METTL22: variants seen among roughly 807,000 people sequenced by gnomAD.
METTL22 encodes the protein methyltransferase 22, Kin17 lysine, also known as methyltransferase-like protein 22.
Under a neutral mutation model 48.4 loss-of-function variants are expected in METTL22, and 51 were observed. The observed-to-expected ratio is 1.05, with a 90% CI of 0.84 to 1.33. METTL22 has a LOEUF of 1.33. METTL22 is among the 40% of genes most tolerant of loss of function. The pLI is 0.00. For synonymous variants in METTL22, 255 were observed against 214.1 expected (o/e 1.19, Z -1.67); for missense variants, 678 against 526.9 (o/e 1.29, Z -2.81).
At chr16:8,621,957 C>G (rs979855698) in intron 1 of METTL22, among the ~76,000 whole-genome samples, 182 bp downstream of exon 1, 3 of 152,224 alleles carry the variant, frequency 2.0e-5, no homozygotes, top group Non-Finnish European at 4.4e-5. Flanking sequence ...CACGTCCTCA[C>G]CTGGGTTTCC....
At chr16:8,653,037 G>C (rs2056921317), downstream of METTL22, among the ~76,000 whole-genome samples, 1 of 152,190 alleles carries the variant, frequency 6.6e-6, no homozygotes, top group South Asian at 2.1e-4. Context: ...CACTTCTGCT[G>C]CTCAACCAAT....
chr16:8,657,731 C>G, the METTL22 span, among the ~76,000 whole-genome samples: 145,817 of 152,124 alleles, frequency 0.96, 70,059 homozygotes, highest in East Asian at 1. Context: ...CTTTGCAGAT[C>G]TAATTAAGTT....
At chr16:8,634,987 T>C in intron 3 of METTL22, 52 bp from the exon 4 acceptor site, 5 of 1,611,652 alleles carry the variant, frequency 3.1e-6, no homozygotes, top group Non-Finnish European at 3.4e-6. Context: ...TGTGGTTTTC[T>C]GTCCATCCCC....
downstream of METTL22, among the ~76,000 whole-genome samples, chr16:8,652,160 G>A (rs1392718921): frequency 2.0e-5 from 3 of 152,138 alleles, no homozygotes; most frequent in African/African-American, 7.2e-5. Flanking sequence ...ATAGAGTCCA[G>A]ATAAAAGTGA....
chr16:8,648,791 AAAG>A lies in METTL22; in HGVS notation c.*2654_*2656del, dbSNP rs2056848132. 1 of 152,154 alleles carries A rather than the reference AAAG, an allele frequency of 6.6e-6. No homozygotes were observed. Among genetic ancestry groups the A allele is most frequent in the East Asian group, 1.9e-4 (1 of 5,172 alleles). 9.4% of individuals were successfully genotyped at this position (152,154 alleles called of 1,614,324 possible). On this transcript the variant is annotated 3_prime_UTR_variant, in exon 11 of 11. Transcript: ENST00000381920. ...AACAGAGAGAGATCCTGTCTCCAAAAAAGAAGAAAAGTATCAAGCCTCAGCTCA... is the reference window on the plus strand; with the variant it reads ...AACAGAGAGAGATCCTGTCTCCAAAAAAGAAAAGTATCAAGCCTCAGCTCA...
the METTL22 span, among the ~76,000 whole-genome samples, chr16:8,658,449 C>A: frequency 6.6e-6 from 1 of 152,306 alleles, no homozygotes; most frequent in East Asian, 1.9e-4. Flanking sequence ...AGAAACACTA[C>A]AAGCCACTGC....
chr16:8,642,106 T>C, intron 7 of METTL22, 21 bp from the exon 8 acceptor site: 3 of 1,587,482 alleles, frequency 1.9e-6, no homozygotes, highest in South Asian at 1.1e-5. Flanking sequence ...GGGCACAAAG[T>C]GTGCTTTTGT....
At chr16:8,653,283 C>G (rs189957407), downstream of METTL22, among the ~76,000 whole-genome samples, 3 of 152,142 alleles carry the variant, frequency 2.0e-5, no homozygotes, top group African/African-American at 7.2e-5. Flanking sequence ...CAAGGGACAA[C>G]GCTAAGTTTT....
At chr16:8,637,452 C>G (rs1027775353) in intron 5 of METTL22, among the ~76,000 whole-genome samples, 3 of 152,224 alleles carry the variant, frequency 2.0e-5, no homozygotes, top group Non-Finnish European at 1.5e-5. Flanking sequence ...GGGAAGAAAG[C>G]TTGCATTTAG....
chr16:8,655,162 C>G, the METTL22 span, among the ~76,000 whole-genome samples: 1 of 152,206 alleles, frequency 6.6e-6, no homozygotes, highest in South Asian at 2.1e-4. Context: ...CATTTATTAT[C>G]TTACAGTACC....
chr16:8,645,906 A>G lies in METTL22; in HGVS notation c.1180-202A>G, dbSNP rs959747381. Reference sequence around the variant, plus strand: ...GTTAATGCTGGGACTTCATCCATCCAGCCTCTCTGCCACAGTAAAATAGAA... The same window carrying G: ...GTTAATGCTGGGACTTCATCCATCCGGCCTCTCTGCCACAGTAAAATAGAA... On this transcript the variant is annotated intron_variant, in intron 10 of 10. Coordinates refer to ENST00000381920, the MANE Select transcript of METTL22 (RefSeq NM_024109.4). The G allele has an allele frequency of 1.2e-5, 12 of 968,884 alleles. 1 individual carries two copies. The Admixed American group carries it at 9.3e-4, about 75-fold the overall frequency. The allele number at this position is 968,884 out of a possible 1,614,324, so 60.0% of individuals were successfully genotyped here.
In METTL22 at chr16:8,644,856, G is replaced by T. The variant is rs554704192; in HGVS notation, c.1179+131G>T. ...TAGTCCTGCAGGGGGTGAAGCCTGC[G>T]TGCCTGGCACCATCTGTAGTGGAAC... On this transcript the variant is annotated intron_variant, in intron 10 of 10. Transcript: ENST00000381920. 1.8e-5 allele frequency: 17 copies of T among 950,136 alleles called. 1 individual carries two copies. In the East Asian group the frequency reaches 5.1e-4, roughly 28 times the overall value. 58.9% of individuals were successfully genotyped at this position (950,136 alleles called of 1,614,324 possible). A position where few individuals can be genotyped will look rare whatever the true frequency, so the allele number is the denominator to read the frequency against.
chr16:8,650,257 T>C (rs2056875269), downstream of METTL22, among the ~76,000 whole-genome samples: 1 of 152,230 alleles, frequency 6.6e-6, no homozygotes, highest in Non-Finnish European at 1.5e-5. Context: ...GAAGGAATTC[T>C]AGGCTGCAGT....
chr16:8,625,580 A>G lies in METTL22; in HGVS notation c.-86A>G. 2 of 1,413,106 alleles carry G rather than the reference A, an allele frequency of 1.4e-6. No homozygotes were observed. The highest frequency in any genetic ancestry group is 2.6e-5 in the South Asian group (2 of 76,574). The allele number at this position is 1,413,106 out of a possible 1,614,324, so 87.5% of individuals were successfully genotyped here. A position where few individuals can be genotyped will look rare whatever the true frequency, so the allele number is the denominator to read the frequency against. ...TCGCTACCAGCTTGGACCTGTCTGC[A>G]GTATCTCCTCTGGGACCTGCCATGC... On this transcript the variant is annotated 5_prime_UTR_variant, in exon 2 of 11. Coordinates refer to ENST00000381920, the MANE Select transcript of METTL22 (RefSeq NM_024109.4).
In METTL22 at chr16:8,635,033, A is replaced by ATC. The variant is rs750114458; in HGVS notation, c.515-5_515-4dup. On this transcript the variant is annotated splice_polypyrimidine_tract_variant and splice_region_variant and intron_variant, in intron 3 of 10. Transcript: ENST00000381920. ...GGGCATTTCTCTTGGTTTCTGTCCC[A>ATC]TCCAGAGCACACCATGGCCACGCCC... 3.7e-6 allele frequency: 6 copies of ATC among 1,613,368 alleles called. No individual in the cohort carries two copies. The highest frequency in any genetic ancestry group is 5.1e-6 in the Non-Finnish European group (6 of 1,180,032).
At position 8,633,136 on chromosome 16, in the gene METTL22, T is replaced by TGG. The variant is rs1480650774; in HGVS notation, c.515-1900_515-1899dup. Among the ~76,000 whole-genome samples, 4 of 152,120 alleles carry TGG rather than the reference T, an allele frequency of 2.6e-5. No homozygotes were observed. The East Asian group carries it at 7.7e-4, about 29-fold the overall frequency. ...GGCAGGGACGCTGACACAGAGGGCC[T>TGG]GGGGTCTGTAGACCACAGACACCCC... On this transcript the variant is annotated intron_variant, in intron 3 of 10. Transcript: ENST00000381920.
chr16:8,627,531 T>C (rs939432894), intron 2 of METTL22, among the ~76,000 whole-genome samples: 8 of 152,098 alleles, frequency 5.3e-5, no homozygotes, highest in African/African-American at 1.9e-4. Context: ...TTATTAATAA[T>C]TCCCATTGAC....
chr16:8,625,670 T>C lies in METTL22; in HGVS notation c.5T>C (p.Val2Ala), dbSNP rs755896994. Residue 2 changes from valine (V) to alanine (A), a missense_variant, in exon 2 of 11, where the codon GTA (valine) becomes GCA (alanine). By Grantham distance (64) the Val-to-Ala change is moderately conservative. Transcript: ENST00000381920. M[V>A]QLAPAAAMDE... Reference sequence around the variant, plus strand: ...GACTAAGGTGGAGCCTGGGCCATGGTACAGCTGGCTCCTGCGGCAGCCATG... The same window carrying C: ...GACTAAGGTGGAGCCTGGGCCATGGCACAGCTGGCTCCTGCGGCAGCCATG... The C allele has an allele frequency of 1.8e-5, 29 of 1,614,014 alleles. No individual in the cohort carries two copies. The highest frequency in any genetic ancestry group is 2.3e-5 in the Non-Finnish European group (27 of 1,180,010).
intron 1 of METTL22, chr16:8,623,866 G>C (rs1319663900): frequency 6.6e-6 from 1 of 152,160 alleles, no homozygotes; most frequent in East Asian, 1.9e-4. Context: ...AAGAAGTGGG[G>C]GCCCTGAAGA....
Sources: gnomAD v4.1 joint callset for allele counts (sites outside exome capture counted in the v4.1 genomes callset) on GRCh38, gnomAD v4.1.1 for gene constraint, MANE v1.5 for transcripts, NCBI Gene and HGNC (gene_info 2026-07-23, HGNC 2026-07-21) for gene names.